The following OTOG variants were observed in gnomAD, a reference collection of about 807,000 sequenced individuals.
OTOG encodes otogelin.
Under a neutral mutation model 313.8 loss-of-function variants are expected in OTOG, and 296 were observed. The ratio of observed to expected loss-of-function variants is 0.94; its 90% confidence interval spans 0.86 to 1.04. The LOEUF is 1.04. OTOG is among the 50% of genes least tolerant of loss of function. OTOG has a pLI of 0.00. For synonymous variants in OTOG, 1,533 were observed against 1,554.9 expected (o/e 0.99, Z 0.33); for missense variants, 3,948 against 3,840.1 (o/e 1.03, Z -0.74).
chr11:17,561,832 C>T lies in OTOG; in HGVS notation c.1644+25C>T, dbSNP rs201608918. The T allele has an allele frequency of 4.2e-4, 647 of 1,549,502 alleles. 3 individuals carry two copies. The highest frequency in any genetic ancestry group is 6.7e-4 in the Admixed American group (34 of 50,962). On this transcript the variant is annotated intron_variant, in intron 15 of 55. Transcript: ENST00000399397. ...GGTAAGAGCTGGGGATCCCCAGGCC[C>T]GATCCACCCAGCTACTCCTGCCTAC...
chr11:17,617,489 G>A (rs1853749880), intron 39 of OTOG, among the ~76,000 whole-genome samples: 1 of 152,166 alleles, frequency 6.6e-6, no homozygotes, highest in South Asian at 2.1e-4. Flanking sequence ...TTTAGTAGGT[G>A]TAGAGCTATT....
intron 3 of OTOG, among the ~76,000 whole-genome samples, chr11:17,551,073 C>T (rs1851920606): frequency 6.6e-6 from 1 of 152,200 alleles, no homozygotes; most frequent in South Asian, 2.1e-4. Context: ...CTTGTTGGCC[C>T]TATGAACAAG....
intron 31 of OTOG, among the ~76,000 whole-genome samples, chr11:17,601,882 T>A (rs1450775200): frequency 6.6e-6 from 1 of 152,092 alleles, no homozygotes; most frequent in East Asian, 1.9e-4. Flanking sequence ...GTGGCTGTAA[T>A]GGTGAAGTTT....
chr11:17,549,138 C>T (rs866856750), intron 3 of OTOG, among the ~76,000 whole-genome samples: 1 of 152,164 alleles, frequency 6.6e-6, no homozygotes, highest in Non-Finnish European at 1.5e-5. Context: ...GATCAGGTGA[C>T]TCAGGTCTAC....
chr11:17,591,580 C>A lies in OTOG; in HGVS notation c.2998C>A (p.Leu1000Met). ...FDFVGACKVHLVKSTSDVSFS... is the reference protein window; with the variant it reads ...FDFVGACKVHMVKSTSDVSFS... Reference sequence around the variant, plus strand: ...CTTCGTGGGGGCATGCAAAGTGCACCTGGTCAAGGTGAGTTCCCGGATGTT... The same window carrying A: ...CTTCGTGGGGGCATGCAAAGTGCACATGGTCAAGGTGAGTTCCCGGATGTT... The change falls in exon 25 of 56, where the codon CTG becomes ATG. Residue 1000 changes from leucine (L) to methionine (M), a missense_variant. Transcript: ENST00000399397. 6.4e-7 allele frequency: 1 copy of A among 1,550,582 alleles called. No individual in the cohort carries two copies. The highest frequency in any genetic ancestry group is 8.7e-7 in the Non-Finnish European group (1 of 1,147,014).
intron 53 of OTOG, among the ~76,000 whole-genome samples, chr11:17,642,628 C>T (rs963293445): frequency 1.3e-5 from 2 of 152,196 alleles, no homozygotes; most frequent in African/African-American, 4.8e-5. Flanking sequence ...CACACTCTTG[C>T]ACACACATGC....
At chr11:17,638,691 C>G in intron 48 of OTOG, 142 bp downstream of exon 48, 1 of 1,509,286 alleles carries the variant, frequency 6.6e-7, no homozygotes, top group Non-Finnish European at 9.0e-7. Context: ...ACCAGAATCA[C>G]CTTCCTTCTG....
intron 47 of OTOG, among the ~76,000 whole-genome samples, chr11:17,637,723 C>T (rs1469970824): frequency 3.9e-5 from 6 of 152,192 alleles, no homozygotes; most frequent in African/African-American, 1.4e-4. Flanking sequence ...CATTTTTCCT[C>T]TTCCAACCAG....
chr11:17,632,313 C>A, intron 42 of OTOG, 87 bp downstream of exon 42: 2 of 1,363,564 alleles, frequency 1.5e-6, no homozygotes, highest in South Asian at 3.2e-5. Context: ...GCCCCAAGTT[C>A]ATGTATGCTT....
Position 17,558,329 on chromosome 11 carries a change from G to A in OTOG, c.996+14G>A, listed in dbSNP as rs1271209139. The A allele has an allele frequency of 1.1e-5, 17 of 1,550,340 alleles. 1 individual carries two copies. The Admixed American group carries it at 2.4e-4, about 21-fold the overall frequency. On this transcript the variant is annotated intron_variant, in intron 9 of 55. Coordinates refer to ENST00000399397, the MANE Select transcript of OTOG (RefSeq NM_001292063.2). Reference sequence around the variant, plus strand: ...GGAACCATGCAGGTCTGGAGCTTGGGGAGAAACTCCCCTACCCTAGAGCCT... The same window carrying A: ...GGAACCATGCAGGTCTGGAGCTTGGAGAGAAACTCCCCTACCCTAGAGCCT...
At chr11:17,557,051 T>G in intron 7 of OTOG, 67 bp from the exon 8 acceptor site, 1 of 1,475,262 alleles carries the variant, frequency 6.8e-7, no homozygotes, top group Non-Finnish European at 9.2e-7. Context: ...TGGCTGTTCC[T>G]TCGGTGAAGA....
intron 39 of OTOG, among the ~76,000 whole-genome samples, chr11:17,615,578 C>T (rs760898269): frequency 6.6e-6 from 1 of 152,076 alleles, no homozygotes; most frequent in Non-Finnish European, 1.5e-5. Flanking sequence ...TCAATTTTTC[C>T]AGCACCATTT....
chr11:17,645,504 C>T, intron 54 of OTOG, 60 bp from the exon 55 acceptor site: 1 of 1,507,840 alleles, frequency 6.6e-7, no homozygotes, highest in South Asian at 1.3e-5. Context: ...GCTGGCCCAT[C>T]CTGCTGCCCC....
At chr11:17,571,046 G>A (rs1243486604) in intron 17 of OTOG, among the ~76,000 whole-genome samples, 1 of 152,168 alleles carries the variant, frequency 6.6e-6, no homozygotes, top group Non-Finnish European at 1.5e-5. Context: ...TGGAGATCCT[G>A]GCCAGTCCTT....
intron 32 of OTOG, among the ~76,000 whole-genome samples, chr11:17,604,695 T>C (rs965321375): frequency 6.6e-6 from 1 of 152,256 alleles, no homozygotes; most frequent in Non-Finnish European, 1.5e-5. Context: ...TTTTGCTCCC[T>C]ATTGTGGCCT....
At chr11:17,570,144 A>AGGT in intron 16 of OTOG, 69 bp from the exon 17 acceptor site, 7 of 1,383,846 alleles carry the variant, frequency 5.1e-6, no homozygotes, top group Non-Finnish European at 3.0e-6. Flanking sequence ...CGGGCCAGGC[A>AGGT]GGTGGTGGTG....
intron 15 of OTOG, among the ~76,000 whole-genome samples, chr11:17,566,661 C>T (rs1200768882): frequency 6.6e-6 from 1 of 152,188 alleles, no homozygotes; most frequent in Non-Finnish European, 1.5e-5. Context: ...ATCCATTTAC[C>T]TAATTGTTCA....
At chr11:17,612,113 G>A in intron 36 of OTOG, 49 bp from the exon 37 acceptor site, 1 of 1,542,860 alleles carries the variant, frequency 6.5e-7, no homozygotes, top group South Asian at 1.2e-5. Context: ...TTGCAGGGTG[G>A]GCTGTAGCTC....
chr11:17,639,606 C>T (rs1847925399), intron 49 of OTOG, 143 bp downstream of exon 49: 1 of 801,134 alleles, frequency 1.2e-6, no homozygotes, highest in South Asian at 1.7e-5. Context: ...CAAGCTCTGC[C>T]ACTGGCTTTC....
Sources: gnomAD v4.1 joint callset for allele counts (sites outside exome capture counted in the v4.1 genomes callset) on GRCh38, gnomAD v4.1.1 for gene constraint, MANE v1.5 for transcripts, NCBI Gene and HGNC (gene_info 2026-07-23, HGNC 2026-07-21) for gene names.